Variants in SOX5 observed in about 807,000 individuals in gnomAD.
SOX5 encodes transcription factor SOX-5.
A neutral mutation model predicts 92.0 loss-of-function variants in SOX5; 9 were observed. The ratio of observed to expected loss-of-function variants is 0.10; its 90% CI spans 0.06 to 0.17. The LOEUF is 0.17. Ranked by LOEUF, SOX5 falls within the 10% of genes least tolerant of loss-of-function variation. The probability of loss-of-function intolerance (pLI) is 1.00; values close to 1 mark genes in which losing one functional copy is unlikely to be tolerated. For synonymous variants in SOX5, 344 were observed against 336.3 expected (o/e 1.02, Z -0.25); for missense variants, 642 against 944.5 (o/e 0.68, Z 4.20).
chr12:23,748,462 T>C (rs991410795), intron 4 of SOX5, among the ~76,000 whole-genome samples: 6 of 152,014 alleles, frequency 3.9e-5, no homozygotes, highest in African/African-American at 1.2e-4. Flanking sequence ...TTCCCCAATA[T>C]TGTTTTACTC....
intron 1 of SOX5, among the ~76,000 whole-genome samples, chr12:24,415,315 A>G (rs1964836431): frequency 6.6e-6 from 1 of 152,212 alleles, no homozygotes; most frequent in South Asian, 2.1e-4. Context: ...CCACATTTTT[A>G]TATAAGAAGA....
rs114721834 is a variant in SOX5, at chr12:23,643,507, A to G, written c.932-2610T>C. 5.3e-3 allele frequency among the ~76,000 whole-genome samples: 801 copies of G among 152,346 alleles called. 4 individuals carry two copies. The highest frequency in any genetic ancestry group is 0.019 in the African/African-American group (771 of 41,578). On this transcript the variant is annotated intron_variant, in intron 7 of 14. Coordinates refer to ENST00000451604, the MANE Select transcript of SOX5 (RefSeq NM_006940.6). ...ATATACTTGAGAGTGGTTAGCATGTATCTGGAATTTAAGCTGTAAGCCTTG... is the reference window on the plus strand; with the variant it reads ...ATATACTTGAGAGTGGTTAGCATGTGTCTGGAATTTAAGCTGTAAGCCTTG...
intron 2 of SOX5, among the ~76,000 whole-genome samples, chr12:24,296,811 T>A (rs537223357): frequency 5.2e-5 from 5 of 96,248 alleles, no homozygotes; most frequent in South Asian, 1.0e-3. Flanking sequence ...GGCAGATACA[T>A]TGTTCTTAAA....
chr12:24,251,250 A>G (rs1939971779), intron 3 of SOX5, among the ~76,000 whole-genome samples: 1 of 152,158 alleles, frequency 6.6e-6, no homozygotes, highest in Admixed American at 6.5e-5. Context: ...CTAATCATTT[A>G]TAGACTTGAT....
At chr12:23,615,578 C>G (rs1285518254) in intron 8 of SOX5, among the ~76,000 whole-genome samples, 1 of 152,132 alleles carries the variant, frequency 6.6e-6, no homozygotes, top group Non-Finnish European at 1.5e-5. Flanking sequence ...TTAGCTCTCA[C>G]TTATAGGTGA....
At chr12:23,656,172 C>A (rs1484199329) in intron 7 of SOX5, among the ~76,000 whole-genome samples, 1 of 141,334 alleles carries the variant, frequency 7.1e-6, no homozygotes, top group Non-Finnish European at 1.5e-5. Flanking sequence ...GTCTTCTGAC[C>A]CCTTGTTTCA....
At chr12:23,573,172 TC>T (rs1948625402) in intron 10 of SOX5, among the ~76,000 whole-genome samples, 2 of 152,110 alleles carry the variant, frequency 1.3e-5, no homozygotes, top group Non-Finnish European at 2.9e-5. Context: ...CTTCTTCCTC[TC>T]CCCCCTTGAA....
chr12:23,557,062 C>T (rs1349241205), intron 11 of SOX5, among the ~76,000 whole-genome samples: 2 of 152,156 alleles, frequency 1.3e-5, no homozygotes, highest in African/African-American at 4.8e-5. Flanking sequence ...TGGTCACTGT[C>T]ATTTCATGTT....
At chr12:24,080,545 G>A (rs11047249) in intron 4 of SOX5, among the ~76,000 whole-genome samples, 53,099 of 151,748 alleles carry the variant, frequency 0.35, 10,395 homozygotes, top group East Asian at 0.64. Flanking sequence ...ATCTGCATTT[G>A]AAACTTTTAT....
intron 1 of SOX5, among the ~76,000 whole-genome samples, chr12:24,529,547 A>C (rs923191099): frequency 1.3e-5 from 2 of 152,250 alleles, no homozygotes; most frequent in African/African-American, 2.4e-5. Context: ...AGAAAACAAG[A>C]AGCAGAATCT....
At chr12:24,467,675 G>T (rs1051737697) in intron 1 of SOX5, among the ~76,000 whole-genome samples, 3 of 152,122 alleles carry the variant, frequency 2.0e-5, no homozygotes, top group Admixed American at 1.3e-4. Flanking sequence ...TCCCGGATAT[G>T]ATGGAGAGCC....
intron 4 of SOX5, among the ~76,000 whole-genome samples, chr12:24,095,164 CAGAG>C (rs1416272004): frequency 8.6e-5 from 8 of 93,272 alleles, no homozygotes; most frequent in South Asian, 3.8e-4. Context: ...GAGACAGAGA[CAGAG>C]AGACAGAGAC....
intron 2 of SOX5, among the ~76,000 whole-genome samples, chr12:23,868,472 T>C (rs974801650): frequency 6.6e-6 from 1 of 152,174 alleles, no homozygotes; most frequent in African/African-American, 2.4e-5. Flanking sequence ...CTCATACTCT[T>C]CAGAAAACCC....
intron 3 of SOX5, among the ~76,000 whole-genome samples, chr12:24,214,176 A>G (rs1958973179): frequency 6.6e-6 from 1 of 152,124 alleles, no homozygotes; most frequent in South Asian, 2.1e-4. Context: ...AGAAGAATAA[A>G]TACTTCATAA....
chr12:24,006,278 CAT>C (rs1268599838), intron 4 of SOX5, among the ~76,000 whole-genome samples: 1 of 152,118 alleles, frequency 6.6e-6, no homozygotes, highest in Non-Finnish European at 1.5e-5. Flanking sequence ...TGTACTATCT[CAT>C]TAATGGTTAA....
At chr12:24,073,913 ATAAT>A (rs990105011) in intron 4 of SOX5, among the ~76,000 whole-genome samples, 70 of 152,268 alleles carry the variant, frequency 4.6e-4, no homozygotes, top group Middle Eastern at 3.4e-3. Context: ...TGGCTATTTC[ATAAT>A]TAATATGGAA....
intron 2 of SOX5, 96 bp from the exon 3 acceptor site, chr12:23,846,289 A>G (rs992146693): frequency 8.3e-6 from 8 of 964,026 alleles, no homozygotes; most frequent in African/African-American, 8.2e-5. Flanking sequence ...CAAAAGGACA[A>G]ATAATTGTTT....
At chr12:23,653,030 A>AGGTG (rs1471190635) in intron 7 of SOX5, among the ~76,000 whole-genome samples, 2 of 115,762 alleles carry the variant, frequency 1.7e-5, no homozygotes, top group African/African-American at 6.8e-5. Context: ...ATGTACAGAT[A>AGGTG]GATGGATGGA....
chr12:23,793,394 T>G (rs931994261), intron 3 of SOX5, among the ~76,000 whole-genome samples: 2 of 152,196 alleles, frequency 1.3e-5, no homozygotes, highest in African/African-American at 4.8e-5. Flanking sequence ...AAAATAACCC[T>G]TGAAAATAGC....
Sources: allele counts gnomAD v4.1 joint callset (sites outside exome capture counted in the v4.1 genomes callset), GRCh38; gene constraint gnomAD v4.1.1; transcripts MANE v1.5; gene names NCBI Gene and HGNC (gene_info 2026-07-23, HGNC 2026-07-21).